The following ZNF500 variants were observed in gnomAD, a reference collection of about 807,000 sequenced individuals.
ZNF500 encodes the protein zinc finger protein 500, also known as zinc finger protein with KRAB and SCAN domains 18.
Under a neutral mutation model 30.1 loss-of-function variants are expected in ZNF500, and 31 were observed. That is an observed-to-expected ratio of 1.03 (90% CI 0.77 to 1.39). The LOEUF is 1.39. Ranked by LOEUF, ZNF500 falls within the 40% of genes most tolerant of loss-of-function variation. The pLI is 0.00. For synonymous variants in ZNF500, 392 were observed against 282.0 expected, an observed-to-expected ratio of 1.39 and a Z score of -3.91; for missense variants, 817 against 657.8, an observed-to-expected ratio of 1.24 and a Z score of -2.65.
At chr16:4,762,250 G>C in intron 4 of ZNF500, 21 bp downstream of exon 4, 1 of 1,609,252 alleles carries the variant, frequency 6.2e-7, no homozygotes, top group Non-Finnish European at 8.5e-7. Context: ...GGATGCTGCA[G>C]ACCAGGAGCA....
Position 4,751,455 on chromosome 16 carries a change from G to T in ZNF500, c.*921C>A. On this transcript the variant is annotated 3_prime_UTR_variant, in exon 6 of 6. Coordinates refer to ENST00000219478, the MANE Select transcript of ZNF500 (RefSeq NM_021646.4). ...AGATGGAACTCAGGGGTGCTTTCCCGCCCCAGGTGTCTTCCGCCCTGCAGA... is the reference window on the plus strand; with the variant it reads ...AGATGGAACTCAGGGGTGCTTTCCCTCCCCAGGTGTCTTCCGCCCTGCAGA... The T allele has an allele frequency of 1.0e-6, 1 of 957,364 alleles. No homozygotes were observed. Among genetic ancestry groups the T allele is most frequent in the Non-Finnish European group, 1.5e-6 (1 of 668,104 alleles). The allele number at this position is 957,364 out of a possible 1,614,324, so 59.3% of individuals were successfully genotyped here.
At position 4,749,558 on chromosome 16, in the gene ZNF500, T is replaced by C. The variant is rs1389779676; in HGVS notation, c.*2818A>G. The C allele has an allele frequency of 6.6e-6, 1 of 152,616 alleles. No individual in the cohort carries two copies. The highest frequency in any genetic ancestry group is 1.5e-5 in the Non-Finnish European group (1 of 68,188). The allele number at this position is 152,616 out of a possible 1,614,324, so 9.5% of individuals were successfully genotyped here. On this transcript the variant is annotated 3_prime_UTR_variant, in exon 6 of 6. Transcript: ENST00000219478. ...GGCCGGGCGCGGTGGCTCACGCCTG[T>C]AATCCCAGCACTTTGGGAGGCCGAG...
intron 5 of ZNF500, among the ~76,000 whole-genome samples, chr16:4,754,416 T>G (rs1418860150): frequency 6.6e-6 from 1 of 151,908 alleles, no homozygotes; most frequent in Non-Finnish European, 1.5e-5. Flanking sequence ...TCCAAGCACT[T>G]TGGGAGGCCG....
intron 5 of ZNF500, among the ~76,000 whole-genome samples, chr16:4,758,840 C>T (rs1217312756): frequency 1.3e-5 from 2 of 152,134 alleles, no homozygotes; most frequent in Non-Finnish European, 1.5e-5. Flanking sequence ...CAACTGGACA[C>T]TAGAACCAAA....
intron 5 of ZNF500, chr16:4,753,284 G>A: frequency 1.3e-6 from 1 of 777,126 alleles, no homozygotes; most frequent in Non-Finnish European, 1.9e-6. Context: ...AACGCAGTGA[G>A]ATCTCGTCTC....
chr16:4,747,520 G>A (rs767807614), downstream of ZNF500: 1 of 1,613,200 alleles, frequency 6.2e-7, no homozygotes, highest in South Asian at 1.1e-5. Context: ...CCAAGGGGCA[G>A]AGCGCCCAGG....
chr16:4,765,245 G>A (rs1443824831), intron 2 of ZNF500, among the ~76,000 whole-genome samples: 1 of 152,074 alleles, frequency 6.6e-6, no homozygotes, highest in Non-Finnish European at 1.5e-5. Flanking sequence ...AGGCTGCAAT[G>A]AGCGGTGATC....
chr16:4,765,627 C>A lies in ZNF500; in HGVS notation c.352G>T (p.Gly118Cys). The A allele has an allele frequency of 6.2e-7, 1 of 1,613,410 alleles. No individual in the cohort carries two copies. Among genetic ancestry groups the A allele is most frequent in the East Asian group, 2.2e-5 (1 of 44,878 alleles). Residue 118 changes from glycine (G) to cysteine (C), a missense_variant, in exon 2 of 6, where the codon GGT becomes TGT. Gly to Cys is a radical substitution (Grantham distance 159, BLOSUM62 -3). Coordinates refer to ENST00000219478, the MANE Select transcript of ZNF500 (RefSeq NM_021646.4). Reference sequence around the variant, plus strand: ...TCCACAAGGACCACGGCCTCCTCACCGCTCTCCGGCTGCTGCTCGCGTACC... The same window carrying A: ...TCCACAAGGACCACGGCCTCCTCACAGCTCTCCGGCTGCTGCTCGCGTACC... The part of the protein sequence containing the change: ...ARVREQQPES[G>C]EEAVVLVEGL...
chr16:4,760,077 G>A (rs987869967), intron 5 of ZNF500, among the ~76,000 whole-genome samples: 1 of 152,168 alleles, frequency 6.6e-6, no homozygotes, highest in South Asian at 2.1e-4. Flanking sequence ...AAAGGCTTCA[G>A]CAGCATCAGG....
At chr16:4,760,928 T>A (rs957483733) in intron 4 of ZNF500, among the ~76,000 whole-genome samples, 20 of 151,984 alleles carry the variant, frequency 1.3e-4, no homozygotes, top group African/African-American at 4.3e-4. Context: ...CAGGACCCCA[T>A]TGCGGCAGAC....
Position 4,760,543 on chromosome 16 carries a change from C to T in ZNF500, c.709G>A (p.Glu237Lys). 6.2e-7 allele frequency: 1 copy of T among 1,613,818 alleles called. No homozygotes were observed. Among genetic ancestry groups the T allele is most frequent in the Non-Finnish European group, 8.5e-7 (1 of 1,179,838 alleles). ...EDVAVYLSGE[E>K]PRCMDPAQRD... ...TGAGCTGGGTCCATGCATCTTGGCT[C>T]CTCCCCAGAAAGGTATACAGCCACG... The change falls in exon 5 of 6, where the codon GAG becomes AAG. Residue 237 changes from glutamate (E) to lysine (K), a missense_variant. Coordinates refer to ENST00000219478, the MANE Select transcript of ZNF500 (RefSeq NM_021646.4).
At chr16:4,758,985 A>G (rs929546389) in intron 5 of ZNF500, among the ~76,000 whole-genome samples, 1 of 152,114 alleles carries the variant, frequency 6.6e-6, no homozygotes, top group African/African-American at 2.4e-5. Context: ...TGAGGCAGGC[A>G]GATCACTTGA....
downstream of ZNF500, chr16:4,746,986 G>T: frequency 6.5e-7 from 1 of 1,546,952 alleles, no homozygotes; most frequent in Non-Finnish European, 8.7e-7. Flanking sequence ...GCAGCTCTGG[G>T]AGACGCAGAG....
intron 5 of ZNF500, among the ~76,000 whole-genome samples, chr16:4,755,606 C>G (rs1450013960): frequency 6.6e-6 from 1 of 152,186 alleles, no homozygotes; most frequent in Non-Finnish European, 1.5e-5. Flanking sequence ...GGTGAGCCAC[C>G]ATGCCTGGCC....
chr16:4,763,306 G>A, intron 2 of ZNF500: 1 of 270,922 alleles, frequency 3.7e-6, no homozygotes, highest in Non-Finnish European at 5.6e-6. Flanking sequence ...GGCTGAGGCA[G>A]GAGAATCGCT....
chr16:4,763,030 C>T (rs2082224765), intron 2 of ZNF500: 1 of 985,340 alleles, frequency 1.0e-6, no homozygotes, highest in African/African-American at 1.7e-5. Context: ...CTGGGATAGA[C>T]CCTGGGCCAG....
chr16:4,757,132 C>A (rs1428155113), intron 5 of ZNF500, among the ~76,000 whole-genome samples: 1 of 152,210 alleles, frequency 6.6e-6, no homozygotes, highest in Non-Finnish European at 1.5e-5. Context: ...CGAAACGCCA[C>A]TGAACCGTTT....
downstream of ZNF500, chr16:4,747,456 C>G (rs17853375): frequency 6.2e-7 from 1 of 1,613,072 alleles, no homozygotes; most frequent in Non-Finnish European, 8.5e-7. Flanking sequence ...GCTCAGGCCC[C>G]TGAAGACACA....
In ZNF500 at chr16:4,765,888, A is replaced by G; in HGVS notation, c.91T>C (p.Phe31Leu). ...EILIVKVEED[F>L]CLEEEPSVET... The stretch of plus-strand genomic sequence containing the variant: ...ACGGAGGGCTCCTCTTCCAAGCAGA[A>G]GTCCTCCTCCACCTTCACAATCAGG... The change falls in exon 2 of 6, where the codon TTC becomes CTC. Residue 31 changes from phenylalanine to leucine, a missense_variant. Physicochemically the swap from Phe to Leu is conservative, Grantham distance 22 (BLOSUM62 0). Transcript: ENST00000219478. 1 of 1,613,582 alleles carries G rather than the reference A, an allele frequency of 6.2e-7. No homozygotes were observed. Among genetic ancestry groups the G allele is most frequent in the Non-Finnish European group, 8.5e-7 (1 of 1,179,954 alleles).
Sources: gnomAD v4.1 joint callset for allele counts (sites outside exome capture counted in the v4.1 genomes callset) on GRCh38, gnomAD v4.1.1 for gene constraint, MANE v1.5 for transcripts, NCBI Gene and HGNC (gene_info 2026-07-23, HGNC 2026-07-21) for gene names.